The following GNAQ variants were observed in gnomAD, a reference collection of about 807,000 sequenced individuals.
The protein encoded by GNAQ is G protein subunit alpha q, also known as guanine nucleotide-binding protein G(q) subunit alpha.
GNAQ carries 8 observed loss-of-function variants against 43.9 expected under a neutral mutation model. The ratio of observed to expected loss-of-function variants is 0.18; its 90% CI spans 0.11 to 0.33. The LOEUF (loss-of-function observed/expected upper bound fraction) is 0.33, where lower values mean the gene tolerates loss of function less well. GNAQ is among the 10% of genes least tolerant of loss of function. GNAQ has a pLI of 1.00. For missense variants in GNAQ, 158 were observed against 450.8 expected, an observed-to-expected ratio of 0.35 and a Z score of 5.88; for synonymous variants, 155 against 170.7, an observed-to-expected ratio of 0.91 and a Z score of 0.71.
intron 2 of GNAQ, among the ~76,000 whole-genome samples, chr9:77,858,015 T>C (rs11145589): frequency 0.67 from 101,572 of 151,886 alleles, 34,999 homozygotes; most frequent in South Asian, 0.78. Flanking sequence ...TTACAAAGCG[T>C]CCATGGATGA....
intron 2 of GNAQ, among the ~76,000 whole-genome samples, chr9:77,880,411 CA>C (rs1828189247): frequency 6.6e-6 from 1 of 152,060 alleles, no homozygotes; most frequent in Non-Finnish European, 1.5e-5. Flanking sequence ...CTCACTCTGT[CA>C]CCTAAACTGG....
intron 4 of GNAQ, among the ~76,000 whole-genome samples, chr9:77,795,697 T>A (rs1191671005): frequency 1.3e-5 from 2 of 152,292 alleles, no homozygotes; most frequent in African/African-American, 4.8e-5. Flanking sequence ...CCAGAATTCT[T>A]AGATCTTCGG....
intron 2 of GNAQ, among the ~76,000 whole-genome samples, chr9:77,819,020 A>C (rs1827066884): frequency 6.7e-6 from 1 of 150,342 alleles, no homozygotes; most frequent in Admixed American, 6.6e-5. Context: ...AAAAAAAAAA[A>C]AAAAAAAAAC....
At chr9:77,761,176 C>T (rs1171338387) in intron 5 of GNAQ, among the ~76,000 whole-genome samples, 4 of 143,618 alleles carry the variant, frequency 2.8e-5, no homozygotes, top group Non-Finnish European at 1.6e-5. Flanking sequence ...GGGGGTCAGC[C>T]TCCCGCCCGG....
intron 2 of GNAQ, among the ~76,000 whole-genome samples, chr9:77,841,623 T>C (rs1827492531): frequency 6.6e-6 from 1 of 152,208 alleles, no homozygotes; most frequent in South Asian, 2.1e-4. Context: ...ATCATTATTA[T>C]TTTAGATTTA....
chr9:77,890,421 T>C (rs1828385076), intron 2 of GNAQ, among the ~76,000 whole-genome samples: 1 of 152,164 alleles, frequency 6.6e-6, no homozygotes, highest in Admixed American at 6.5e-5. Context: ...ATTAGAAACG[T>C]GTCATAAAAC....
At chr9:77,828,273 A>AT (rs986976659) in intron 2 of GNAQ, among the ~76,000 whole-genome samples, 35 of 151,538 alleles carry the variant, frequency 2.3e-4, no homozygotes, top group Admixed American at 1.6e-3. Context: ...AGCAATTAAA[A>AT]TTTTTTTTTG....
At chr9:77,800,230 C>G (rs1587921976) in intron 3 of GNAQ, among the ~76,000 whole-genome samples, 1 of 151,566 alleles carries the variant, frequency 6.6e-6, no homozygotes, top group Admixed American at 6.6e-5. Context: ...TGGGTATATA[C>G]CCAAAGGACT....
chr9:77,989,191 T>C (rs1823479116), intron 1 of GNAQ, among the ~76,000 whole-genome samples: 2 of 152,230 alleles, frequency 1.3e-5, no homozygotes, highest in South Asian at 4.1e-4. Context: ...ACACGTTTTA[T>C]GATCTTTTCA....
intron 5 of GNAQ, among the ~76,000 whole-genome samples, chr9:77,744,630 T>C (rs1405108318): frequency 6.6e-6 from 1 of 151,942 alleles, no homozygotes; most frequent in Non-Finnish European, 1.5e-5. Flanking sequence ...AAGGACAAAA[T>C]GGGGTGGGTA....
chr9:77,899,836 AT>A (rs1828571670), intron 2 of GNAQ, among the ~76,000 whole-genome samples: 1 of 152,218 alleles, frequency 6.6e-6, no homozygotes, highest in Admixed American at 6.5e-5. Flanking sequence ...CACATATCAA[AT>A]GCACGGAACT....
intron 5 of GNAQ, among the ~76,000 whole-genome samples, chr9:77,786,492 C>T (rs1038670554): frequency 2.0e-5 from 3 of 152,070 alleles, no homozygotes; most frequent in Admixed American, 6.6e-5. Context: ...GCCCAGTATT[C>T]GGGGTCAATT....
At chr9:77,993,273 G>A (rs995489367) in intron 1 of GNAQ, among the ~76,000 whole-genome samples, 1 of 151,900 alleles carries the variant, frequency 6.6e-6, no homozygotes, top group Non-Finnish European at 1.5e-5. Context: ...ATTAACAGTT[G>A]ATATATAATA....
intron 2 of GNAQ, among the ~76,000 whole-genome samples, chr9:77,918,292 G>A (rs2118258260): frequency 6.6e-6 from 1 of 152,282 alleles, no homozygotes; most frequent in East Asian, 1.9e-4. Context: ...ATAGATTATG[G>A]CCAATGTGAT....
chr9:77,896,933 T>C (rs769908934), intron 2 of GNAQ, among the ~76,000 whole-genome samples: 24 of 152,246 alleles, frequency 1.6e-4, no homozygotes, highest in Non-Finnish European at 2.9e-4. Flanking sequence ...ATATGACACA[T>C]TGCATGGGCA....
chr9:77,826,224 G>GAA (rs1564122261), intron 2 of GNAQ, among the ~76,000 whole-genome samples: 1 of 152,058 alleles, frequency 6.6e-6, no homozygotes, highest in East Asian at 1.9e-4. Context: ...GCAAAGAATA[G>GAA]AACCTGGCCA....
intron 2 of GNAQ, among the ~76,000 whole-genome samples, chr9:77,865,184 C>G (rs766215488): frequency 6.6e-6 from 1 of 152,136 alleles, no homozygotes; most frequent in African/African-American, 2.4e-5. Flanking sequence ...CTTTTCCTAC[C>G]TGAAAGGCCA....
intron 5 of GNAQ, among the ~76,000 whole-genome samples, chr9:77,784,770 A>G (rs1194868676): frequency 1.3e-5 from 2 of 152,228 alleles, no homozygotes; most frequent in Non-Finnish European, 2.9e-5. Context: ...TATATTAATA[A>G]TAAAAAGGGC....
chr9:77,763,063 CCT>C lies in GNAQ; in HGVS notation c.735+31398_735+31399del, dbSNP rs922608063. On this transcript the variant is annotated intron_variant, in intron 5 of 6. Coordinates refer to ENST00000286548, the MANE Select transcript of GNAQ (RefSeq NM_002072.5). ...TATTGTCCTATGACCCTGCCAAATC[CCT>C]CTCTGTGAGAAACACCCAAGAATGA... is the stretch of plus-strand genomic sequence containing the variant. Among the ~76,000 whole-genome samples, 14 of 151,138 alleles carry C rather than the reference CCT, an allele frequency of 9.3e-5. No individual in the cohort carries two copies. The South Asian group carries it at 2.3e-3, about 25-fold the overall frequency.
Sources: gnomAD v4.1 joint callset for allele counts (sites outside exome capture counted in the v4.1 genomes callset) on GRCh38, gnomAD v4.1.1 for gene constraint, MANE v1.5 for transcripts, NCBI Gene and HGNC (gene_info 2026-07-23, HGNC 2026-07-21) for gene names.